Variants in FNDC3A observed in about 807,000 individuals in gnomAD.
FNDC3A encodes fibronectin type III domain containing 3A, also known as fibronectin type-III domain-containing protein 3A.
FNDC3A carries 32 observed loss-of-function variants against 148.9 expected under a neutral mutation model. That is an observed-to-expected ratio of 0.21 (90% confidence interval 0.16 to 0.29). FNDC3A has a LOEUF of 0.29. Ranked by LOEUF, FNDC3A falls within the 10% of genes least tolerant of loss-of-function variation. The pLI, the probability that FNDC3A is intolerant of heterozygous loss-of-function variation, is 1.00. For missense variants in FNDC3A, 1,191 were observed against 1,452.8 expected (o/e 0.82, Z 2.93); for synonymous variants, 472 against 473.6 (o/e 1.00, Z 0.04).
At chr13:49,168,897 A>C (rs1884619484) in intron 10 of FNDC3A, 146 bp downstream of exon 10, 1 of 737,936 alleles carries the variant, frequency 1.4e-6, no homozygotes, top group Admixed American at 2.6e-5. Context: ...TATTTAATGT[A>C]TCTTAAAATA....
intron 6 of FNDC3A, among the ~76,000 whole-genome samples, chr13:49,137,861 G>A (rs990410732): frequency 3.9e-5 from 6 of 152,072 alleles, no homozygotes; most frequent in African/African-American, 7.2e-5. Context: ...TCTGTTTGAC[G>A]TAGATATGCG....
rs1162450778 is a variant in FNDC3A, at chr13:49,207,188, C to T, written c.3390C>T (p.His1130=). 1.2e-6 allele frequency: 2 copies of T among 1,613,936 alleles called. No individual in the cohort carries two copies. The highest frequency in any genetic ancestry group is 1.7e-6 in the Non-Finnish European group (2 of 1,179,892). ...AIRQCQDSLG[H]QDLVGPYSTT... is the part of the protein sequence containing the mutation. Reference sequence around the variant, plus strand: ...GCCAGTGCCAAGACTCTCTGGGACACCAGGACCTCGTAGGTCCCTACAGCA... The same window carrying T: ...GCCAGTGCCAAGACTCTCTGGGACATCAGGACCTCGTAGGTCCCTACAGCA... Residue 1130 remains histidine (H), a synonymous_variant, in exon 26 of 26, where the codon CAC becomes CAT. Coordinates refer to ENST00000492622, the MANE Select transcript of FNDC3A (RefSeq NM_001079673.2).
intron 3 of FNDC3A, among the ~76,000 whole-genome samples, chr13:49,078,315 A>G (rs1262156601): frequency 6.6e-6 from 1 of 152,172 alleles, no homozygotes; most frequent in African/African-American, 2.4e-5. Context: ...GGACCAAAAA[A>G]GCCTATCTAA....
intron 13 of FNDC3A, among the ~76,000 whole-genome samples, chr13:49,177,526 CT>C (rs1261864655): frequency 6.6e-6 from 1 of 152,030 alleles, no homozygotes; most frequent in East Asian, 1.9e-4. Flanking sequence ...TGGTCCACCC[CT>C]AAGTATATAC....
At chr13:49,181,200 T>C (rs1277451552) in intron 14 of FNDC3A, among the ~76,000 whole-genome samples, 1 of 152,182 alleles carries the variant, frequency 6.6e-6, no homozygotes, top group African/African-American at 2.4e-5. Context: ...TTGCACAAAA[T>C]TCTCCCAGAT....
At position 49,201,859 on chromosome 13, in the gene FNDC3A, C is replaced by T. The variant is rs1280688970; in HGVS notation, c.3047C>T (p.Ser1016Leu). The T allele has an allele frequency of 6.3e-7, 1 of 1,592,240 alleles. No homozygotes were observed. Among genetic ancestry groups the T allele is most frequent in the Non-Finnish European group, 8.6e-7 (1 of 1,166,398 alleles). The change falls in exon 24 of 26, where the codon TCA (serine) becomes TTA (leucine). Residue 1016 changes from serine (S) to leucine (L), a missense_variant. Transcript: ENST00000492622. ...HTYKVQRLNESTSYKFCIQAC... is the reference protein window; with the variant it reads ...HTYKVQRLNELTSYKFCIQAC... The stretch of plus-strand genomic sequence containing the variant: ...TACAAAGTACAAAGACTTAATGAGT[C>T]AACATCCTATAAATTCTGTATTCAA...
chr13:49,010,592 A>T (rs1456584312), intron 2 of FNDC3A, among the ~76,000 whole-genome samples: 1 of 152,258 alleles, frequency 6.6e-6, no homozygotes, highest in Non-Finnish European at 1.5e-5. Flanking sequence ...ACCTGTTTTA[A>T]ATCATGAAGT....
At chr13:49,045,084 T>A (rs968083231) in intron 2 of FNDC3A, 10 of 179,792 alleles carry the variant, frequency 5.6e-5, no homozygotes, top group Non-Finnish European at 9.3e-5. Context: ...TTCCCTTTCC[T>A]TTCCCTTTCC....
rs1037977774 is a variant in FNDC3A, at chr13:48,976,173, C to G, written c.-44C>G. 2.6e-5 allele frequency: 4 copies of G among 152,308 alleles called. No homozygotes were observed. Among genetic ancestry groups the G allele is most frequent in the Admixed American group, 1.3e-4 (2 of 15,282 alleles). 9.4% of individuals were successfully genotyped at this position (152,308 alleles called of 1,614,324 possible). On this transcript the variant is annotated 5_prime_UTR_variant, in exon 1 of 26. Coordinates refer to ENST00000492622, the MANE Select transcript of FNDC3A (RefSeq NM_001079673.2). ...CCTTCTGCCTCAGAACGGCGTGACT[C>G]GGAGGTGAGAGCGCGGGCACTCCCT...
intron 21 of FNDC3A, 45 bp downstream of exon 21, chr13:49,197,919 T>C: frequency 6.3e-7 from 1 of 1,588,282 alleles, no homozygotes; most frequent in East Asian, 2.2e-5. Flanking sequence ...TCCAGAGTTT[T>C]ATATTTCATT....
intron 5 of FNDC3A, among the ~76,000 whole-genome samples, chr13:49,133,570 C>T (rs1480510866): frequency 1.3e-5 from 2 of 152,158 alleles, no homozygotes; most frequent in Non-Finnish European, 2.9e-5. Context: ...GTTTTCTAAC[C>T]AATGGCTATA....
rs774968367 is a variant in FNDC3A at position 49,198,447 on chromosome 13, C to A, written c.2860C>A (p.Pro954Thr). Reference protein sequence around the residue: ...KLKTKPLPPDPPRLECVAFSH... With the variant: ...KLKTKPLPPDTPRLECVAFSH... ...AAAAACTAAGCCTCTCCCTCCTGAT[C>A]CACCTCGTCTGGAATGTGTTGCCTT... is the stretch of plus-strand genomic sequence containing the variant. The change falls in exon 23 of 26, where the codon CCA becomes ACA. Residue 954 changes from proline (P) to threonine (T), a missense_variant. Coordinates refer to ENST00000492622, the MANE Select transcript of FNDC3A (RefSeq NM_001079673.2). 1.2e-6 allele frequency: 2 copies of A among 1,614,136 alleles called. No homozygotes were observed. The highest frequency in any genetic ancestry group is 1.7e-6 in the Non-Finnish European group (2 of 1,179,990).
chr13:49,196,283 T>G (rs1415795026), intron 19 of FNDC3A, among the ~76,000 whole-genome samples: 1 of 152,146 alleles, frequency 6.6e-6, no homozygotes, highest in Non-Finnish European at 1.5e-5. Flanking sequence ...GAAATTTCTG[T>G]AATTGTTCTC....
intron 8 of FNDC3A, among the ~76,000 whole-genome samples, chr13:49,149,466 G>C (rs1883169724): frequency 1.3e-5 from 2 of 152,020 alleles, no homozygotes; most frequent in Non-Finnish European, 2.9e-5. Flanking sequence ...TATAATTTTT[G>C]TCCTTCATTA....
chr13:48,986,702 G>GT (rs1951811765), intron 1 of FNDC3A, among the ~76,000 whole-genome samples: 2 of 151,822 alleles, frequency 1.3e-5, no homozygotes, highest in Non-Finnish European at 2.9e-5. Flanking sequence ...GGCCCGGAAG[G>GT]TTTTTTTAAA....
chr13:48,988,376 C>T (rs1477349334), intron 1 of FNDC3A, among the ~76,000 whole-genome samples: 2 of 152,154 alleles, frequency 1.3e-5, no homozygotes, highest in Admixed American at 1.3e-4. Flanking sequence ...TGTCAACATC[C>T]AAGCCAAATT....
chr13:49,090,721 G>C (rs1593576389), intron 3 of FNDC3A, among the ~76,000 whole-genome samples: 2 of 152,190 alleles, frequency 1.3e-5, no homozygotes, highest in Non-Finnish European at 1.5e-5. Flanking sequence ...TGTACCATAG[G>C]CCAGGCTCAG....
chr13:49,069,860 T>A (rs1310821352), intron 2 of FNDC3A, among the ~76,000 whole-genome samples: 3 of 152,202 alleles, frequency 2.0e-5, no homozygotes, highest in African/African-American at 7.2e-5. Flanking sequence ...CTAGAGCAGA[T>A]ACTAGTATGA....
At chr13:49,095,191 C>T (rs1879444643) in intron 3 of FNDC3A, among the ~76,000 whole-genome samples, 1 of 151,584 alleles carries the variant, frequency 6.6e-6, no homozygotes, top group African/African-American at 2.4e-5. Context: ...AGTGAGATAC[C>T]ATGGTGTTTT....
Sources: allele counts gnomAD v4.1 joint callset (sites outside exome capture counted in the v4.1 genomes callset), GRCh38; gene constraint gnomAD v4.1.1; transcripts MANE v1.5; gene names NCBI Gene and HGNC (gene_info 2026-07-23, HGNC 2026-07-21).